The following CCSER1 variants were observed in gnomAD, a reference collection of about 807,000 sequenced individuals.
The protein encoded by CCSER1 is coiled-coil serine rich protein 1.
In CCSER1, 41 loss-of-function variants were observed where a neutral mutation model predicts 82.0. The ratio of observed to expected loss-of-function variants is 0.50; its 90% CI spans 0.39 to 0.65. CCSER1 has a LOEUF of 0.65. Ranked by LOEUF, CCSER1 falls within the 30% of genes least tolerant of loss-of-function variation. The pLI, the probability that CCSER1 is intolerant of heterozygous loss-of-function variation, is 0.00. For synonymous variants in CCSER1, 414 were observed against 383.9 expected, an observed-to-expected ratio of 1.08 and a Z score of -0.92; for missense variants, 1,119 against 1,064.2, an observed-to-expected ratio of 1.05 and a Z score of -0.72.
rs556234389 is a variant in CCSER1 at position 90,389,240 on chromosome 4, A to G, written c.1510-10796A>G. 2.6e-5 allele frequency among the ~76,000 whole-genome samples: 4 copies of G among 152,318 alleles called. No individual in the cohort carries two copies. The South Asian group carries it at 8.3e-4, about 32-fold the overall frequency. ...AATTTTCAGAATTATACACACTGAC[A>G]GTTGTGAAAAATAAACATTTCCAGT... On this transcript the variant is annotated intron_variant, in intron 3 of 10. Transcript: ENST00000509176.
chr4:90,533,214 CCCTAGTAGCTGGGA>C, intron 5 of CCSER1, among the ~76,000 whole-genome samples: 1 of 151,708 alleles, frequency 6.6e-6, no homozygotes, highest in South Asian at 2.1e-4. Flanking sequence ...GCCTCACCCT[CCCTAGTAGCTGGGA>C]CTACAGGCGC....
chr4:90,827,926 G>C (rs1760673484), intron 8 of CCSER1, among the ~76,000 whole-genome samples: 1 of 152,142 alleles, frequency 6.6e-6, no homozygotes, highest in Admixed American at 6.6e-5. Context: ...AGCCGAGGGG[G>C]AAGGGGATGT....
intron 10 of CCSER1, among the ~76,000 whole-genome samples, chr4:91,579,352 C>T (rs1763617580): frequency 1.3e-5 from 2 of 151,302 alleles, no homozygotes; most frequent in South Asian, 4.2e-4. Flanking sequence ...ACATTGTACC[C>T]AATTGGTCAT....
At chr4:91,387,336 C>T (rs1362560936) in intron 10 of CCSER1, among the ~76,000 whole-genome samples, 3 of 151,762 alleles carry the variant, frequency 2.0e-5, no homozygotes, top group Non-Finnish European at 4.4e-5. Context: ...TTTCTGAAAG[C>T]TTGAAGAGAT....
intron 10 of CCSER1, among the ~76,000 whole-genome samples, chr4:91,416,633 G>T (rs888326068): frequency 4.6e-5 from 7 of 152,126 alleles, no homozygotes; most frequent in African/African-American, 1.7e-4. Context: ...AGTGGTGCCG[G>T]GAGAACTGGC....
intron 3 of CCSER1, among the ~76,000 whole-genome samples, chr4:90,348,336 A>G (rs1044782000): frequency 1.3e-5 from 2 of 152,320 alleles, no homozygotes; most frequent in Middle Eastern, 3.4e-3. Flanking sequence ...AAAATATTTC[A>G]GTATTTTTGT....
At chr4:90,885,226 C>T (rs560337825) in intron 8 of CCSER1, among the ~76,000 whole-genome samples, 1 of 152,116 alleles carries the variant, frequency 6.6e-6, no homozygotes, top group East Asian at 1.9e-4. Flanking sequence ...CACACAGTTG[C>T]AGTATTCTCA....
intron 6 of CCSER1, among the ~76,000 whole-genome samples, chr4:90,650,098 T>G (rs1445743455): frequency 6.6e-6 from 1 of 152,042 alleles, no homozygotes; most frequent in Non-Finnish European, 1.5e-5. Context: ...GCACCTGTAA[T>G]CCCAGCTACT....
intron 10 of CCSER1, among the ~76,000 whole-genome samples, chr4:91,486,193 T>G (rs1199843787): frequency 6.6e-6 from 1 of 151,872 alleles, no homozygotes; most frequent in Non-Finnish European, 1.5e-5. Flanking sequence ...AAAATATATT[T>G]GTTATTTTGT....
intron 10 of CCSER1, among the ~76,000 whole-genome samples, chr4:91,386,150 CACCAAGAAATGGCTG>C (rs138264836): frequency 0.018 from 2,799 of 151,400 alleles, 62 homozygotes; most frequent in African/African-American, 0.063. Flanking sequence ...CCCAGGGTTC[CACCAAGAAATGGCTG>C]ATTACAGAAC....
At chr4:90,374,474 A>C (rs1747976375) in intron 3 of CCSER1, among the ~76,000 whole-genome samples, 1 of 152,204 alleles carries the variant, frequency 6.6e-6, no homozygotes, top group Admixed American at 6.5e-5. Context: ...CAGTGGAGCA[A>C]GGAATCTAAA....
chr4:90,793,092 T>G (rs142374979), intron 7 of CCSER1, among the ~76,000 whole-genome samples: 2 of 152,236 alleles, frequency 1.3e-5, no homozygotes, highest in African/African-American at 4.8e-5. Context: ...AATGGAGATG[T>G]GTTTGATGTC....
chr4:91,275,148 G>T (rs1742321602), intron 10 of CCSER1, among the ~76,000 whole-genome samples: 1 of 151,624 alleles, frequency 6.6e-6, no homozygotes, highest in African/African-American at 2.4e-5. Context: ...CTGCCTAAGT[G>T]CCCAGTAGGG....
chr4:90,380,917 T>C (rs982201093), intron 3 of CCSER1, among the ~76,000 whole-genome samples: 4 of 152,190 alleles, frequency 2.6e-5, no homozygotes, highest in African/African-American at 9.7e-5. Flanking sequence ...CAGGAAGTGA[T>C]TGCAATTCAG....
intron 10 of CCSER1, among the ~76,000 whole-genome samples, chr4:91,205,800 A>G (rs1028014415): frequency 6.6e-6 from 1 of 151,574 alleles, no homozygotes; most frequent in Admixed American, 6.6e-5. Flanking sequence ...AACGTTTTTT[A>G]AAAGATCATT....
intron 1 of CCSER1, among the ~76,000 whole-genome samples, chr4:90,253,828 T>C (rs1270800117): frequency 6.7e-6 from 1 of 149,656 alleles, no homozygotes; most frequent in Non-Finnish European, 1.5e-5. Flanking sequence ...GATTGTCTCT[T>C]TCTTTCTTCT....
chr4:90,402,630 TAAAAC>T (rs765069405), intron 4 of CCSER1, among the ~76,000 whole-genome samples: 1 of 152,120 alleles, frequency 6.6e-6, no homozygotes, highest in Non-Finnish European at 1.5e-5. Flanking sequence ...TTGTAAAAAA[TAAAAC>T]AAAGCAACAA....
chr4:91,121,016 A>G (rs1727038223), intron 10 of CCSER1, among the ~76,000 whole-genome samples: 1 of 151,902 alleles, frequency 6.6e-6, no homozygotes, highest in South Asian at 2.1e-4. Flanking sequence ...AAAGGGTCAT[A>G]TAGAAATGGA....
chr4:91,435,505 A>T (rs1221408840), intron 10 of CCSER1, among the ~76,000 whole-genome samples: 3 of 152,304 alleles, frequency 2.0e-5, no homozygotes, highest in African/African-American at 7.2e-5. Context: ...TAAATACTCA[A>T]AAATAAATTG....
Sources: allele counts gnomAD v4.1 joint callset (sites outside exome capture counted in the v4.1 genomes callset), GRCh38; gene constraint gnomAD v4.1.1; transcripts MANE v1.5; gene names NCBI Gene and HGNC (gene_info 2026-07-23, HGNC 2026-07-21).